Variants in TRAF7 observed in about 807,000 individuals in gnomAD.
TRAF7 encodes TNF receptor associated factor 7.
Under a neutral mutation model 89.3 loss-of-function variants are expected in TRAF7, and 45 were observed. That is an observed-to-expected ratio of 0.50 (90% CI 0.40 to 0.65). The LOEUF (loss-of-function observed/expected upper bound fraction) is 0.65, where lower values mean the gene tolerates loss of function less well. TRAF7 is among the 30% of genes least tolerant of loss of function. TRAF7 has a pLI of 0.00. For missense variants in TRAF7, 677 were observed against 918.1 expected (o/e 0.74, Z 3.39); for synonymous variants, 406 against 369.2 (o/e 1.10, Z -1.14).
intron 1 of TRAF7, among the ~76,000 whole-genome samples, chr16:2,160,513 G>C (rs1434856542): frequency 1.5e-5 from 2 of 137,104 alleles, no homozygotes; most frequent in African/African-American, 2.8e-5. Flanking sequence ...GGCGGGCGGT[G>C]TGGGTGGGCG....
In TRAF7 at chr16:2,159,829, G is replaced by T. The variant is rs547151725; in HGVS notation, c.-39+3971G>T. ...TTGCTGGAGGAGCTGCTTTAAGGCC[G>T]GGCCTGGCCCGAGCAGGGAGCTGCA... On this transcript the variant is annotated intron_variant, in intron 1 of 20. Coordinates refer to ENST00000326181, the MANE Select transcript of TRAF7 (RefSeq NM_032271.3). The surrounding 1 kb of genome is among the most constrained non-coding windows in gnomAD (Gnocchi z 6.5). 6.6e-6 allele frequency among the ~76,000 whole-genome samples: 1 copy of T among 152,240 alleles called. No individual in the cohort carries two copies. Among genetic ancestry groups the T allele is most frequent in the Non-Finnish European group, 1.5e-5 (1 of 68,028 alleles).
At chr16:2,166,110 C>G (rs1214185997) in intron 3 of TRAF7, among the ~76,000 whole-genome samples, 174 bp downstream of exon 3, 1 of 152,220 alleles carries the variant, frequency 6.6e-6, no homozygotes, top group Non-Finnish European at 1.5e-5. Context: ...CCTGGGCCTC[C>G]CCACTGGACA....
intron 1 of TRAF7, among the ~76,000 whole-genome samples, chr16:2,156,465 T>C (rs1003655159): frequency 6.6e-6 from 1 of 151,968 alleles, no homozygotes; most frequent in Admixed American, 6.6e-5. Flanking sequence ...GTTAAAATCA[T>C]GGGGAGCAGC....
chr16:2,173,079 T>C (rs1242466420), intron 9 of TRAF7, 103 bp from the exon 10 acceptor site: 1 of 1,054,128 alleles, frequency 9.5e-7, no homozygotes, highest in Non-Finnish European at 1.4e-6. Context: ...CAGCTGGACC[T>C]GGGGTGCAGC....
chr16:2,166,741 C>G (rs2093087822), intron 3 of TRAF7, among the ~76,000 whole-genome samples: 1 of 152,216 alleles, frequency 6.6e-6, no homozygotes, highest in Admixed American at 6.5e-5. Context: ...GGGCGGGATA[C>G]ACGACAGAAA....
rs1024691179 is a variant in TRAF7 at position 2,162,837 on chromosome 16, G to A, written c.-38-1046G>A. The stretch of plus-strand genomic sequence containing the variant: ...CAGCTTCAAGCCGGGGCTCGGCTGC[G>A]CTATCCGCTGCCAGCAGGAGACAGG... On this transcript the variant is annotated intron_variant, in intron 1 of 20. Coordinates refer to ENST00000326181, the MANE Select transcript of TRAF7 (RefSeq NM_032271.3). This position sits in a 1 kb window ranked among gnomAD's most constrained non-coding sequence, Gnocchi z 5.0. Among the ~76,000 whole-genome samples the A allele has an allele frequency of 6.6e-6, 1 of 152,186 alleles. No homozygotes were observed. The highest frequency in any genetic ancestry group is 6.5e-5 in the Admixed American group (1 of 15,306).
chr16:2,177,416 T>G lies in TRAF7; in HGVS notation c.*842T>G, dbSNP rs1229015098. On this transcript the variant is annotated 3_prime_UTR_variant, in exon 21 of 21. Transcript: ENST00000326181. The stretch of plus-strand genomic sequence containing the variant: ...CACCACAATCGCTGGTTTTCGGCAT[T>G]TTTTAAATTTTTTTTTTAAGAAACG... 8.6e-6 allele frequency: 2 copies of G among 232,348 alleles called. No individual in the cohort carries two copies. The highest frequency in any genetic ancestry group is 4.4e-5 in the African/African-American group (2 of 45,184). The allele number at this position is 232,348 out of a possible 1,614,324, so 14.4% of individuals were successfully genotyped here. A position where few individuals can be genotyped will look rare whatever the true frequency, so the allele number is the denominator to read the frequency against.
At position 2,168,222 on chromosome 16, in the gene TRAF7, C is replaced by G. The variant is rs888729863; in HGVS notation, c.231+54C>G. ...GAGCCTCAGCCTCCCCCCATCCTCC[C>G]TCCTGGGGGAACCAGGTCCCAGGAG... is the stretch of plus-strand genomic sequence containing the variant. On this transcript the variant is annotated intron_variant, in intron 4 of 20. Coordinates refer to ENST00000326181, the MANE Select transcript of TRAF7 (RefSeq NM_032271.3). The surrounding 1 kb of genome is among the most constrained non-coding windows in gnomAD (Gnocchi z 4.1). 1.4e-5 allele frequency: 21 copies of G among 1,472,792 alleles called. No individual in the cohort carries two copies. In the African/African-American group the frequency reaches 2.9e-4, roughly 21 times the overall value. 91.2% of individuals were successfully genotyped at this position (1,472,792 alleles called of 1,614,324 possible).
chr16:2,173,355 C>CG lies in TRAF7; in HGVS notation c.970dup (p.Glu324GlyfsTer15). On this transcript the variant is annotated frameshift_variant, in exon 10 of 21. Transcript: ENST00000326181. LOFTEE classifies it high-confidence loss of function. The stretch of plus-strand genomic sequence containing the variant: ...CTGCGCTCCATGCTGGGAAAGCTCT[C>CG]GGAGAAGATCGACCAGCTAGAGAAG... The CG allele has an allele frequency of 6.2e-7, 1 of 1,613,548 alleles. No homozygotes were observed. The highest frequency in any genetic ancestry group is 8.5e-7 in the Non-Finnish European group (1 of 1,180,004).
chr16:2,170,246 G>A (rs1205019418), intron 4 of TRAF7, among the ~76,000 whole-genome samples: 1 of 152,190 alleles, frequency 6.6e-6, no homozygotes, highest in Admixed American at 6.5e-5. Context: ...TCACGGCCTC[G>A]GCTGTCCAGG....
rs746207117 is a variant in TRAF7 at position 2,176,360 on chromosome 16, A to G, written c.1974A>G (p.Ser658=). Residue 658 remains serine, a synonymous_variant, in exon 20 of 21, where the codon TCA becomes TCG. Coordinates refer to ENST00000326181, the MANE Select transcript of TRAF7 (RefSeq NM_032271.3). ...CTGTGTCCCGGGGCCGACTCTTCTC[A>G]GGGGCTGTGGATAGCACTGTGAAGG... is the stretch of plus-strand genomic sequence containing the variant. ...ALAVSRGRLF[S]GAVDSTVKVW... 9.3e-6 allele frequency: 15 copies of G among 1,606,776 alleles called. No homozygotes were observed. Among genetic ancestry groups the G allele is most frequent in the Non-Finnish European group, 1.3e-5 (15 of 1,178,512 alleles).
In TRAF7 at chr16:2,175,185, G is replaced by A. The variant is rs368822468; in HGVS notation, c.1386+35G>A. 4.3e-5 allele frequency: 70 copies of A among 1,613,060 alleles called. No individual in the cohort carries two copies. In the African/African-American group the frequency reaches 6.1e-4, roughly 14 times the overall value. On this transcript the variant is annotated intron_variant, in intron 15 of 20. Coordinates refer to ENST00000326181, the MANE Select transcript of TRAF7 (RefSeq NM_032271.3). ...GCCTACAGGCGGGTGGGCAGGAGGC[G>A]GCCCAGGCCCGCCCCAGTCTGTAGG... is the stretch of plus-strand genomic sequence containing the variant.
In TRAF7 at chr16:2,163,953, C is replaced by A; in HGVS notation, c.33C>A (p.Arg11=). 6.2e-7 allele frequency: 1 copy of A among 1,613,034 alleles called. No homozygotes were observed. The highest frequency in any genetic ancestry group is 8.5e-7 in the Non-Finnish European group (1 of 1,179,832). MSSGKSARYN[R]FSGGPSNLPT... Reference sequence around the variant, plus strand: ...CAGGCAAGAGTGCCCGCTACAACCGCTTCTCCGGGGGGCCCAGCAATCTTC... The same window carrying A: ...CAGGCAAGAGTGCCCGCTACAACCGATTCTCCGGGGGGCCCAGCAATCTTC... The change falls in exon 2 of 21, where the codon CGC becomes CGA. Residue 11 remains arginine (R), a synonymous_variant. Coordinates refer to ENST00000326181, the MANE Select transcript of TRAF7 (RefSeq NM_032271.3). The surrounding 1 kb of genome is among the most constrained non-coding windows in gnomAD (Gnocchi z 4.3).
chr16:2,177,881 C>T lies in TRAF7; in HGVS notation c.*1307C>T, dbSNP rs1223075239. The T allele has an allele frequency of 1.3e-5, 4 of 297,086 alleles. No homozygotes were observed. Among genetic ancestry groups the T allele is most frequent in the African/African-American group, 2.2e-5 (1 of 45,392 alleles). 18.4% of individuals were successfully genotyped at this position (297,086 alleles called of 1,614,324 possible). A position where few individuals can be genotyped will look rare whatever the true frequency, so the allele number is the denominator to read the frequency against. On this transcript the variant is annotated 3_prime_UTR_variant, in exon 21 of 21. Transcript: ENST00000326181. ...CAGAGCACCCGCCCCCGGGCCCCAG[C>T]CTTCCACCTGTGCTAGCAGCCTGGG...
intron 14 of TRAF7, among the ~76,000 whole-genome samples, chr16:2,174,680 A>G (rs999006223): frequency 1.3e-5 from 2 of 152,208 alleles, no homozygotes; most frequent in Non-Finnish European, 2.9e-5. Context: ...AGCCCAGGGC[A>G]TAGAGACTAC....
Position 2,161,415 on chromosome 16 carries a change from G to C in TRAF7, c.-38-2468G>C, listed in dbSNP as rs915245580. On this transcript the variant is annotated intron_variant, in intron 1 of 20. Coordinates refer to ENST00000326181, the MANE Select transcript of TRAF7 (RefSeq NM_032271.3). This position sits in a 1 kb window ranked among gnomAD's most constrained non-coding sequence, Gnocchi z 5.2. ...TTCTGTTCACCTCACTTCAGAGTGAGGGGGAAGCCAGACAGTTGCTCTCCC... is the reference window on the plus strand; with the variant it reads ...TTCTGTTCACCTCACTTCAGAGTGACGGGGAAGCCAGACAGTTGCTCTCCC... Among the ~76,000 whole-genome samples, 4 of 152,070 alleles carry C rather than the reference G, an allele frequency of 2.6e-5. No homozygotes were observed. Among genetic ancestry groups the C allele is most frequent in the African/African-American group, 9.7e-5 (4 of 41,416 alleles).
At chr16:2,155,882 G>A (rs1445279742) in intron 1 of TRAF7, 24 bp downstream of exon 1, 2 of 150,360 alleles carry the variant, frequency 1.3e-5, no homozygotes, top group Non-Finnish European at 3.0e-5. Context: ...CGGCGCGCCC[G>A]ACCCGGGGCT....
Position 2,159,829 on chromosome 16 carries a change from G to A in TRAF7, c.-39+3971G>A, listed in dbSNP as rs547151725. ...TTGCTGGAGGAGCTGCTTTAAGGCC[G>A]GGCCTGGCCCGAGCAGGGAGCTGCA... On this transcript the variant is annotated intron_variant, in intron 1 of 20. Coordinates refer to ENST00000326181, the MANE Select transcript of TRAF7 (RefSeq NM_032271.3). The surrounding 1 kb of genome is among the most constrained non-coding windows in gnomAD (Gnocchi z 6.5). Among the ~76,000 whole-genome samples, 9 of 152,358 alleles carry A rather than the reference G, an allele frequency of 5.9e-5. No individual in the cohort carries two copies. In the South Asian group the frequency reaches 1.2e-3, roughly 21 times the overall value.
At chr16:2,157,280 A>T (rs999210465) in intron 1 of TRAF7, among the ~76,000 whole-genome samples, 21 of 151,846 alleles carry the variant, frequency 1.4e-4, no homozygotes, top group African/African-American at 5.1e-4. Context: ...CCGTGTCCTG[A>T]GGGGGAGCAG....
Sources: allele counts gnomAD v4.1 joint callset (sites outside exome capture counted in the v4.1 genomes callset), GRCh38; gene constraint gnomAD v4.1.1; non-coding constraint Gnocchi (gnomAD v3.1); transcripts MANE v1.5; gene names NCBI Gene and HGNC (gene_info 2026-07-23, HGNC 2026-07-21).